The following ADAMTS12 variants were observed in gnomAD, a reference collection of about 807,000 sequenced individuals.
ADAMTS12 encodes the protein ADAM metallopeptidase with thrombospondin type 1 motif 12.
ADAMTS12 carries 118 observed loss-of-function variants against 167.8 expected under a neutral mutation model. The observed-to-expected ratio is 0.70, with a 90% CI of 0.61 to 0.82. ADAMTS12 has a LOEUF of 0.82. ADAMTS12 is among the 40% of genes least tolerant of loss of function. ADAMTS12 has a pLI of 0.00. For missense variants in ADAMTS12, 1,916 were observed against 1,998.8 expected, an observed-to-expected ratio of 0.96 and a Z score of 0.79; for synonymous variants, 704 against 716.9, an observed-to-expected ratio of 0.98 and a Z score of 0.29.
intron 2 of ADAMTS12, among the ~76,000 whole-genome samples, chr5:33,836,066 T>C (rs1342618145): frequency 1.3e-5 from 2 of 152,170 alleles, no homozygotes; most frequent in African/African-American, 4.8e-5. Context: ...GGGTTTGTTT[T>C]TGTTTTCATG....
At chr5:33,597,072 C>G (rs892502043) in intron 16 of ADAMTS12, among the ~76,000 whole-genome samples, 4 of 152,118 alleles carry the variant, frequency 2.6e-5, no homozygotes, top group African/African-American at 4.8e-5. Flanking sequence ...CTCTCAACAA[C>G]CCAATGAAAT....
chr5:33,817,743 C>A (rs146551574), intron 2 of ADAMTS12, among the ~76,000 whole-genome samples: 1 of 152,076 alleles, frequency 6.6e-6, no homozygotes, highest in African/African-American at 2.4e-5. Context: ...GCTCTTTTCA[C>A]GCCTAAAGAA....
chr5:33,556,639 G>T (rs1014252557), intron 20 of ADAMTS12, among the ~76,000 whole-genome samples: 4 of 152,216 alleles, frequency 2.6e-5, no homozygotes, highest in Admixed American at 1.3e-4. Context: ...ACTGTTGTCT[G>T]TAAAAGGTAT....
chr5:33,791,029 T>C (rs1175925927), intron 2 of ADAMTS12, among the ~76,000 whole-genome samples: 2 of 151,994 alleles, frequency 1.3e-5, no homozygotes, highest in African/African-American at 4.8e-5. Context: ...CACACTCTCA[T>C]GATGAAAGCA....
chr5:33,652,031 A>G (rs546829480), intron 7 of ADAMTS12, among the ~76,000 whole-genome samples: 1 of 152,264 alleles, frequency 6.6e-6, no homozygotes, highest in East Asian at 1.9e-4. Flanking sequence ...TTCATTATCC[A>G]GTCATCTGTT....
At chr5:33,682,200 A>G (rs57207780) in intron 5 of ADAMTS12, among the ~76,000 whole-genome samples, 53,508 of 152,194 alleles carry the variant, frequency 0.35, 11,099 homozygotes, top group Non-Finnish European at 0.48. Flanking sequence ...ATATGAAAAA[A>G]GGAATCAAGA....
intron 18 of ADAMTS12, among the ~76,000 whole-genome samples, chr5:33,586,896 T>C (rs2112003494): frequency 6.6e-6 from 1 of 152,332 alleles, no homozygotes; most frequent in Non-Finnish European, 1.5e-5. Context: ...TGTGCATGAA[T>C]CAGTAATACA....
At chr5:33,544,416 T>C (rs1373702288) in intron 22 of ADAMTS12, among the ~76,000 whole-genome samples, 2 of 152,158 alleles carry the variant, frequency 1.3e-5, no homozygotes, top group African/African-American at 4.8e-5. Flanking sequence ...GAATCAATAT[T>C]GTGAAAATGG....
At chr5:33,791,906 G>A (rs766409269) in intron 2 of ADAMTS12, among the ~76,000 whole-genome samples, 1 of 150,858 alleles carries the variant, frequency 6.6e-6, no homozygotes, top group Non-Finnish European at 1.5e-5. Context: ...ATTGACCCTA[G>A]TGATGTCTCT....
In ADAMTS12 at chr5:33,881,114, C is replaced by A; in HGVS notation, c.489+5G>T. ...GAGGAAGGAGATGCCAGAGCCCACA[C>A]TCACCAGTCCATGGCAGGCACTGAG... is the stretch of plus-strand genomic sequence containing the variant. On this transcript the variant is annotated splice_donor_5th_base_variant and intron_variant, in intron 2 of 23. Transcript: ENST00000504830. 4 of 1,611,696 alleles carry A rather than the reference C, an allele frequency of 2.5e-6. No homozygotes were observed. Among genetic ancestry groups the A allele is most frequent in the Non-Finnish European group, 3.4e-6 (4 of 1,179,110 alleles).
At chr5:33,539,109 T>C (rs1463281575) in intron 22 of ADAMTS12, among the ~76,000 whole-genome samples, 2 of 152,100 alleles carry the variant, frequency 1.3e-5, no homozygotes, top group Non-Finnish European at 2.9e-5. Context: ...GCCTGACTAA[T>C]TTTTTTATTT....
intron 3 of ADAMTS12, among the ~76,000 whole-genome samples, chr5:33,742,467 C>T (rs956166341): frequency 7.2e-5 from 11 of 152,036 alleles, no homozygotes; most frequent in Admixed American, 5.9e-4. Context: ...TCATAGTTAT[C>T]ATTAATTGCT....
intron 2 of ADAMTS12, among the ~76,000 whole-genome samples, chr5:33,836,415 T>G (rs1748530485): frequency 6.6e-6 from 1 of 152,076 alleles, no homozygotes; most frequent in African/African-American, 2.4e-5. Flanking sequence ...AGGGTAAAGA[T>G]CAGCTGCAAA....
At chr5:33,601,066 G>A (rs1738162190) in intron 16 of ADAMTS12, among the ~76,000 whole-genome samples, 1 of 151,844 alleles carries the variant, frequency 6.6e-6, no homozygotes, top group South Asian at 2.1e-4. Context: ...GTCAAGGACA[G>A]CTTGGGTCTC....
Position 33,535,048 on chromosome 5 carries a change from C to G in ADAMTS12, c.4447-56G>C, listed in dbSNP as rs1215617671. The G allele has an allele frequency of 1.1e-5, 17 of 1,518,252 alleles. No homozygotes were observed. The Admixed American group carries it at 3.8e-4, about 34-fold the overall frequency. The allele number at this position is 1,518,252 out of a possible 1,614,324, so 94.0% of individuals were successfully genotyped here. A position where few individuals can be genotyped will look rare whatever the true frequency, so the allele number is the denominator to read the frequency against. On this transcript the variant is annotated intron_variant, in intron 22 of 23. Transcript: ENST00000504830. ...GTCCTCCCCACGACTCCCAAGGAAA[C>G]ACCAGTAGAACACCTCCAATCCCAC...
At chr5:33,884,385 G>T (rs919732272) in intron 1 of ADAMTS12, among the ~76,000 whole-genome samples, 3 of 152,078 alleles carry the variant, frequency 2.0e-5, no homozygotes, top group Non-Finnish European at 4.4e-5. Context: ...CCCATCCCAC[G>T]TCATGAAAAT....
chr5:33,661,387 A>G (rs988956938), intron 6 of ADAMTS12, among the ~76,000 whole-genome samples: 1 of 152,190 alleles, frequency 6.6e-6, no homozygotes, highest in Non-Finnish European at 1.5e-5. Flanking sequence ...GAACAAAATG[A>G]TATTTTCATG....
At chr5:33,661,608 T>C (rs984738735) in intron 6 of ADAMTS12, among the ~76,000 whole-genome samples, 1 of 152,220 alleles carries the variant, frequency 6.6e-6, no homozygotes, top group East Asian at 1.9e-4. Flanking sequence ...GCAAGCTTCC[T>C]GATTGTTTAT....
chr5:33,754,167 T>A (rs1005680329), intron 2 of ADAMTS12, among the ~76,000 whole-genome samples: 1 of 152,170 alleles, frequency 6.6e-6, no homozygotes, highest in African/African-American at 2.4e-5. Context: ...AAATCACCCG[T>A]GGTTTGCTTT....
Sources: gnomAD v4.1 joint callset for allele counts (sites outside exome capture counted in the v4.1 genomes callset) on GRCh38, gnomAD v4.1.1 for gene constraint, MANE v1.5 for transcripts, NCBI Gene and HGNC (gene_info 2026-07-23, HGNC 2026-07-21) for gene names.